The following UBALD1 variants were observed in gnomAD, a reference collection of about 807,000 sequenced individuals.
The protein encoded by UBALD1 is UBA like domain containing 1, also known as UBA-like domain-containing protein 1.
UBALD1 carries 5 observed loss-of-function variants against 16.1 expected under a neutral mutation model. That is an observed-to-expected ratio of 0.31 (90% CI 0.16 to 0.66). The LOEUF (loss-of-function observed/expected upper bound fraction) is 0.66, where lower values mean the gene tolerates loss of function less well. Among genes scored for constraint, UBALD1 ranks in the 30% least tolerant of loss-of-function variants. The probability of loss-of-function intolerance (pLI) is 0.77; values close to 1 mark genes in which losing one functional copy is unlikely to be tolerated. For missense variants in UBALD1, 220 were observed against 252.8 expected, an observed-to-expected ratio of 0.87 and a Z score of 0.88; for synonymous variants, 146 against 105.3, an observed-to-expected ratio of 1.39 and a Z score of -2.37.
chr16:4,611,932 G>A (rs1241528344), intron 1 of UBALD1, among the ~76,000 whole-genome samples: 3 of 152,090 alleles, frequency 2.0e-5, no homozygotes, highest in East Asian at 1.9e-4. Context: ...TGCCCCTACC[G>A]CCACCCCTCA....
Position 4,610,503 on chromosome 16 carries a change from T to C in UBALD1, c.173A>G (p.His58Arg), listed in dbSNP as rs768672999. The change falls in exon 2 of 3, where the codon CAC (histidine) becomes CGC (arginine). Residue 58 changes from histidine to arginine, a missense_variant. Around this residue, in one of 2 missense-constraint regions of UBALD1, gnomAD observed 69 missense variants for 120.3 expected, o/e 0.57. Coordinates refer to ENST00000283474, the MANE Select transcript of UBALD1 (RefSeq NM_145253.3). ...TCCGGGGACACTTACCATCTGGTGG[T>C]GATGGTGGCTGTAGGGGATGTTGGT... is the stretch of plus-strand genomic sequence containing the variant. ...QETNIPYSHHHHQMMCTPANT... is the reference protein window; with the variant it reads ...QETNIPYSHHRHQMMCTPANT... The C allele has an allele frequency of 1.2e-6, 2 of 1,608,536 alleles. No homozygotes were observed. Among genetic ancestry groups the C allele is most frequent in the East Asian group, 2.2e-5 (1 of 44,842 alleles).
rs967733325 is a variant in UBALD1, at chr16:4,614,831, C to A, written c.-34G>T. 1 of 1,478,874 alleles carries A rather than the reference C, an allele frequency of 6.8e-7. No individual in the cohort carries two copies. Among genetic ancestry groups the A allele is most frequent in the Non-Finnish European group, 9.0e-7 (1 of 1,115,512 alleles). 91.6% of individuals were successfully genotyped at this position (1,478,874 alleles called of 1,614,324 possible). A position where few individuals can be genotyped will look rare whatever the true frequency, so the allele number is the denominator to read the frequency against. On this transcript the variant is annotated 5_prime_UTR_variant, in exon 1 of 3. It adds an upstream start codon to the 5' untranslated region. Transcript: ENST00000283474. ...CGCGCTGCCCGCTCCGGCCTCCCTC[C>A]TCCGCCCGCGCCTCCGCCTCACGCG...
intron 1 of UBALD1, chr16:4,614,454 CG>C (rs1473292410): frequency 8.3e-6 from 5 of 601,332 alleles, no homozygotes; most frequent in Non-Finnish European, 1.3e-5. Flanking sequence ...CGCGGCCCCG[CG>C]GGGGCGGCGT....
At chr16:4,610,444 T>C (rs1438150131) in intron 2 of UBALD1, 49 bp downstream of exon 2, 2 of 1,556,504 alleles carry the variant, frequency 1.3e-6, no homozygotes, top group South Asian at 1.2e-5. Context: ...CAGAACTAGC[T>C]CGGCCTCCTT....
chr16:4,612,354 G>T (rs1321194346), intron 1 of UBALD1, among the ~76,000 whole-genome samples: 1 of 152,040 alleles, frequency 6.6e-6, no homozygotes, highest in Non-Finnish European at 1.5e-5. Context: ...GAACCACCGT[G>T]CCCGGCAAAA....
Position 4,614,754 on chromosome 16 carries a change from T to G in UBALD1, c.44A>C (p.Asn15Thr). Residue 15 changes from asparagine (N) to threonine (T), a missense_variant, in exon 1 of 3, where the codon AAC (asparagine) becomes ACC (threonine). Around this residue, in one of 2 missense-constraint regions of UBALD1, gnomAD observed 69 missense variants for 120.3 expected, o/e 0.57. Coordinates refer to ENST00000283474, the MANE Select transcript of UBALD1 (RefSeq NM_145253.3). ...GCAGCCCGCCGTCAGCACGAACTGG[T>G]TGATCATGACCTGGTGCTTGAGCTC... ...MDELKHQVMI[N>T]QFVLTAGCAA... is the part of the protein sequence containing the mutation. 1 of 1,561,576 alleles carries G rather than the reference T, an allele frequency of 6.4e-7. No homozygotes were observed. Among genetic ancestry groups the G allele is most frequent in the Non-Finnish European group, 8.6e-7 (1 of 1,156,356 alleles).
At chr16:4,612,063 A>ATTT (rs35403269) in intron 1 of UBALD1, among the ~76,000 whole-genome samples, 1 of 117,168 alleles carries the variant, frequency 8.5e-6, no homozygotes, top group African/African-American at 2.9e-5. Context: ...GGCTATTTAG[A>ATTT]TTTTTTTTTT....
intron 1 of UBALD1, among the ~76,000 whole-genome samples, chr16:4,613,354 C>T (rs888242036): frequency 3.9e-5 from 6 of 152,178 alleles, no homozygotes; most frequent in African/African-American, 1.4e-4. Context: ...CAGCCTCCCA[C>T]GTCCTGGGGT....
chr16:4,613,355 G>A (rs1003992933), intron 1 of UBALD1, among the ~76,000 whole-genome samples: 53 of 152,264 alleles, frequency 3.5e-4, no homozygotes, highest in African/African-American at 1.2e-3. Flanking sequence ...AGCCTCCCAC[G>A]TCCTGGGGTG....
chr16:4,614,152 C>G, intron 1 of UBALD1: 1 of 222,162 alleles, frequency 4.5e-6, no homozygotes, highest in Non-Finnish European at 8.8e-6. Flanking sequence ...CGCCAACGTG[C>G]CCGCAGGTCC....
chr16:4,610,394 C>A, intron 2 of UBALD1, 99 bp downstream of exon 2: 1 of 1,350,256 alleles, frequency 7.4e-7, no homozygotes, highest in East Asian at 2.4e-5. Context: ...CCCGCCTGCA[C>A]CAGCGCCCTC....
intron 1 of UBALD1, among the ~76,000 whole-genome samples, chr16:4,613,716 G>A (rs1897385797): frequency 6.6e-6 from 1 of 152,126 alleles, no homozygotes; most frequent in Non-Finnish European, 1.5e-5. Flanking sequence ...GGTTAATCCT[G>A]GGGTCGGTGA....
intron 1 of UBALD1, chr16:4,613,907 C>G (rs911076699): frequency 6.6e-6 from 1 of 152,486 alleles, no homozygotes; most frequent in African/African-American, 2.4e-5. Context: ...GACAGATGCC[C>G]CTGCCAGCCC....
intron 1 of UBALD1, chr16:4,614,449 C>T: frequency 3.5e-6 from 2 of 573,246 alleles, no homozygotes; most frequent in Non-Finnish European, 2.7e-6. Flanking sequence ...GGACTCGCGG[C>T]CCCGCGGGGG....
chr16:4,612,732 G>C (rs1897373431), intron 1 of UBALD1, among the ~76,000 whole-genome samples: 1 of 152,274 alleles, frequency 6.6e-6, no homozygotes, highest in Non-Finnish European at 1.5e-5. Context: ...AGCGGGTGGA[G>C]CGTGGAGAGG....
chr16:4,612,032 G>A (rs968352223), intron 1 of UBALD1, among the ~76,000 whole-genome samples: 11 of 151,500 alleles, frequency 7.3e-5, no homozygotes, highest in African/African-American at 2.2e-4. Flanking sequence ...GCCTGCCCTC[G>A]ATCAGGGGGT....
At position 4,611,993 on chromosome 16, in the gene UBALD1, A is replaced by G. The variant is rs1897363827; in HGVS notation, c.121-1438T>C. Among the ~76,000 whole-genome samples, 2 of 151,388 alleles carry G rather than the reference A, an allele frequency of 1.3e-5. 1 individual carries two copies. Among genetic ancestry groups the G allele is most frequent in the Admixed American group, 1.3e-4 (2 of 15,242 alleles). ...ACTTCCTGGCCCTCCCAGGCCCAGCACACCCAGAAATCCAGCCTGGCTCCT... is the reference window on the plus strand; with the variant it reads ...ACTTCCTGGCCCTCCCAGGCCCAGCGCACCCAGAAATCCAGCCTGGCTCCT... On this transcript the variant is annotated intron_variant, in intron 1 of 2. Transcript: ENST00000283474.
rs1356611551 is a variant in UBALD1 at position 4,611,773 on chromosome 16, C to T, written c.121-1218G>A. Among the ~76,000 whole-genome samples, 7 of 152,202 alleles carry T rather than the reference C, an allele frequency of 4.6e-5. No individual in the cohort carries two copies. The East Asian group carries it at 1.3e-3, about 29-fold the overall frequency. ...GGCGCTGGGATTTGCTATGTCCTGG[C>T]TGAGGCCCTGCAGGGGTGGGGAGGC... On this transcript the variant is annotated intron_variant, in intron 1 of 2. Coordinates refer to ENST00000283474, the MANE Select transcript of UBALD1 (RefSeq NM_145253.3).
intron 2 of UBALD1, 23 bp from the exon 3 acceptor site, chr16:4,610,006 A>C: frequency 1.3e-6 from 2 of 1,525,946 alleles, no homozygotes; most frequent in Non-Finnish European, 1.8e-6. Flanking sequence ...GAGAGGAGAG[A>C]TGGGGTGAGC....
Sources: allele counts gnomAD v4.1 joint callset (sites outside exome capture counted in the v4.1 genomes callset), GRCh38; gene constraint gnomAD v4.1.1; regional missense constraint gnomAD v4.1.1; transcripts MANE v1.5; gene names NCBI Gene and HGNC (gene_info 2026-07-23, HGNC 2026-07-21).